Variants in TWIST2 observed in about 807,000 individuals in gnomAD.
TWIST2 encodes twist-related protein 2.
Under a neutral mutation model 11.6 loss-of-function variants are expected in TWIST2, and 1 was observed. The ratio of observed to expected loss-of-function variants is 0.09; its 90% CI spans 0.03 to 0.41. The LOEUF (loss-of-function observed/expected upper bound fraction) is 0.41, where lower values mean the gene tolerates loss of function less well. Ranked by LOEUF, TWIST2 falls within the 10% of genes least tolerant of loss-of-function variation. The probability of loss-of-function intolerance (pLI) is 0.98; values close to 1 mark genes in which losing one functional copy is unlikely to be tolerated. For missense variants in TWIST2, 168 were observed against 226.4 expected, an observed-to-expected ratio of 0.74 and a Z score of 1.66; for synonymous variants, 87 against 96.6, an observed-to-expected ratio of 0.90 and a Z score of 0.58.
At chr2:238,906,503 T>G (rs1693357905) in intron 1 of TWIST2, among the ~76,000 whole-genome samples, 1 of 152,000 alleles carries the variant, frequency 6.6e-6, no homozygotes, top group Non-Finnish European at 1.5e-5. Context: ...TGGATGCACA[T>G]GCTCACACAC....
At chr2:238,851,305 A>C (rs1692236751) in intron 1 of TWIST2, among the ~76,000 whole-genome samples, 1 of 152,210 alleles carries the variant, frequency 6.6e-6, no homozygotes, top group African/African-American at 2.4e-5. Context: ...CTGGTATTTA[A>C]AAGCACAATT....
intron 1 of TWIST2, among the ~76,000 whole-genome samples, chr2:238,868,129 A>T (rs898343029): frequency 3.9e-5 from 6 of 152,216 alleles, no homozygotes; most frequent in Non-Finnish European, 8.8e-5. Flanking sequence ...GGCATCCCTC[A>T]CACATCAGCC....
At chr2:238,905,940 T>TGTGTGC (rs1693343649) in intron 1 of TWIST2, among the ~76,000 whole-genome samples, 1 of 107,560 alleles carries the variant, frequency 9.3e-6, no homozygotes, top group African/African-American at 4.6e-5. Context: ...TGCGCGTGTG[T>TGTGTGC]GTGCGCGCGC....
intron 1 of TWIST2, among the ~76,000 whole-genome samples, chr2:238,889,432 G>A (rs1252656666): frequency 6.6e-6 from 1 of 152,134 alleles, no homozygotes; most frequent in Non-Finnish European, 1.5e-5. Flanking sequence ...GATGGTGGGT[G>A]TGTATAATAT....
At chr2:238,903,117 T>A (rs1299877793) in intron 1 of TWIST2, among the ~76,000 whole-genome samples, 1 of 140,984 alleles carries the variant, frequency 7.1e-6, no homozygotes, top group Non-Finnish European at 1.5e-5. Context: ...TGATGTGAGG[T>A]GTGTGTGATG....
At chr2:238,884,691 G>A (rs568518523) in intron 1 of TWIST2, among the ~76,000 whole-genome samples, 2 of 152,298 alleles carry the variant, frequency 1.3e-5, no homozygotes, top group African/African-American at 4.8e-5. Context: ...TCAGATGAAG[G>A]GTCCGGCTGC....
Position 238,878,202 on chromosome 2 carries a change from C to A in TWIST2, c.*35+29469C>A, listed in dbSNP as rs183957230. On this transcript the variant is annotated intron_variant, in intron 1 of 1. Coordinates refer to ENST00000612363, the MANE Select transcript of TWIST2 (RefSeq NM_001271893.4). ...TGCCCTCTCCCCCACTGTACCCCTC[C>A]CTGTCCACGCACCAGCAATTCAATA... Among the ~76,000 whole-genome samples, 26 of 152,290 alleles carry A rather than the reference C, an allele frequency of 1.7e-4. No individual in the cohort carries two copies. The East Asian group carries it at 5.0e-3, about 29-fold the overall frequency.
intron 1 of TWIST2, among the ~76,000 whole-genome samples, chr2:238,849,153 G>A (rs913420017): frequency 6.6e-6 from 1 of 152,202 alleles, no homozygotes; most frequent in Non-Finnish European, 1.5e-5. Flanking sequence ...CAGGCCGCCC[G>A]CGAAGCTGCC....
intron 1 of TWIST2, among the ~76,000 whole-genome samples, chr2:238,907,754 CACAA>C (rs1420228223): frequency 3.1e-5 from 4 of 127,818 alleles, no homozygotes; most frequent in South Asian, 2.5e-4. Context: ...ACAACACACA[CACAA>C]AAACACACAA....
intron 1 of TWIST2, among the ~76,000 whole-genome samples, chr2:238,903,314 ATAGT>A (rs1439322849): frequency 7.8e-6 from 1 of 128,732 alleles, no homozygotes; most frequent in African/African-American, 3.0e-5. Context: ...GATGTGTGAT[ATAGT>A]GTGTGTGATG....
rs561734212 is a variant in TWIST2 at position 238,867,881 on chromosome 2, C to T, written c.*35+19148C>T. ...CAAAGGCTGGGGATGGCCGGATGGC[C>T]CTGGGACCAGCAGAAGGAGCAGGTG... On this transcript the variant is annotated intron_variant, in intron 1 of 1. Transcript: ENST00000612363. The surrounding 1 kb of genome is among the most constrained non-coding windows in gnomAD (Gnocchi z 4.8). Among the ~76,000 whole-genome samples, 47 of 152,212 alleles carry T rather than the reference C, an allele frequency of 3.1e-4. No individual in the cohort carries two copies. Among genetic ancestry groups the T allele is most frequent in the African/African-American group, 1.1e-3 (46 of 41,532 alleles).
chr2:238,875,764 T>C (rs1692794313), intron 1 of TWIST2, among the ~76,000 whole-genome samples: 1 of 152,060 alleles, frequency 6.6e-6, no homozygotes, highest in South Asian at 2.1e-4. Flanking sequence ...TTCGCATTTC[T>C]CCCCTGTCCC....
In TWIST2 at chr2:238,864,621, CAG is replaced by C. The variant is rs923583154; in HGVS notation, c.*35+15889_*35+15890del. On this transcript the variant is annotated intron_variant, in intron 1 of 1. Transcript: ENST00000612363. This position sits in a 1 kb window ranked among gnomAD's most constrained non-coding sequence, Gnocchi z 4.7. The stretch of plus-strand genomic sequence containing the variant: ...CCCGGCCCGGCCAAGACCAGCAGGA[CAG>C]GGGCCCAGAGGCTGGTACCCTCCGA... 2.0e-5 allele frequency among the ~76,000 whole-genome samples: 3 copies of C among 152,164 alleles called. No individual in the cohort carries two copies. Among genetic ancestry groups the C allele is most frequent in the African/African-American group, 7.2e-5 (3 of 41,432 alleles).
At position 238,867,202 on chromosome 2, in the gene TWIST2, C is replaced by T. The variant is rs140148555; in HGVS notation, c.*35+18469C>T. Among the ~76,000 whole-genome samples, 2,630 of 151,880 alleles carry T rather than the reference C, an allele frequency of 0.017. 36 individuals are homozygous for T. The highest frequency in any genetic ancestry group is 0.099 in the Middle Eastern group (29 of 294). ...GTAACATTGGAGGGGCCACAACCCC[C>T]GAATTTCTTCTGCAGAAGAGAAGGG... is the stretch of plus-strand genomic sequence containing the variant. On this transcript the variant is annotated intron_variant, in intron 1 of 1. Transcript: ENST00000612363. This position sits in a 1 kb window ranked among gnomAD's most constrained non-coding sequence, Gnocchi z 4.8.
intron 1 of TWIST2, among the ~76,000 whole-genome samples, chr2:238,907,163 C>T (rs978126451): frequency 6.6e-6 from 1 of 152,148 alleles, no homozygotes; most frequent in African/African-American, 2.4e-5. Context: ...TGAGGCGCGG[C>T]GCGGGGCCCA....
intron 1 of TWIST2, among the ~76,000 whole-genome samples, chr2:238,848,939 C>T (rs1449110077): frequency 1.3e-5 from 2 of 152,012 alleles, no homozygotes; most frequent in Non-Finnish European, 2.9e-5. Context: ...GACTTCCACG[C>T]GAGGGTGTCA....
At chr2:238,875,512 T>C (rs1692788509) in intron 1 of TWIST2, among the ~76,000 whole-genome samples, 1 of 152,216 alleles carries the variant, frequency 6.6e-6, no homozygotes, top group South Asian at 2.1e-4. Context: ...GTATATCCTC[T>C]GTGGCTTTGT....
In TWIST2 at chr2:238,864,406, C is replaced by T. The variant is rs1692493819; in HGVS notation, c.*35+15673C>T. Among the ~76,000 whole-genome samples, 3 of 152,230 alleles carry T rather than the reference C, an allele frequency of 2.0e-5. No homozygotes were observed. Among genetic ancestry groups the T allele is most frequent in the South Asian group, 4.1e-4 (2 of 4,838 alleles). On this transcript the variant is annotated intron_variant, in intron 1 of 1. Transcript: ENST00000612363. This position sits in a 1 kb window ranked among gnomAD's most constrained non-coding sequence, Gnocchi z 4.7. ...TGCATGAATCAGAGCCGACTGGGAG[C>T]AGGAGTGACTCAGAGCCGTGGCTTT...
At chr2:238,901,089 G>A (rs1039996517) in intron 1 of TWIST2, among the ~76,000 whole-genome samples, 8 of 150,042 alleles carry the variant, frequency 5.3e-5, no homozygotes, top group South Asian at 2.1e-4. Context: ...GTGTTCCCCT[G>A]CCTCAGCCTC....
Sources: gnomAD v4.1 joint callset for allele counts (sites outside exome capture counted in the v4.1 genomes callset) on GRCh38, gnomAD v4.1.1 for gene constraint, Gnocchi (gnomAD v3.1) non-coding constraint, MANE v1.5 for transcripts, NCBI Gene and HGNC (gene_info 2026-07-23, HGNC 2026-07-21) for gene names.